The following STAU2 variants were observed in gnomAD, a reference collection of about 807,000 sequenced individuals.
The protein encoded by STAU2 is staufen double-stranded RNA binding protein 2, also known as double-stranded RNA-binding protein Staufen homolog 2.
STAU2 carries 20 observed loss-of-function variants against 65.9 expected under a neutral mutation model. The ratio of observed to expected loss-of-function variants is 0.30; its 90% confidence interval spans 0.21 to 0.44. STAU2 has a LOEUF of 0.44. STAU2 is among the 20% of genes least tolerant of loss of function. STAU2 has a pLI of 1.00. For missense variants in STAU2, 558 were observed against 683.9 expected, an observed-to-expected ratio of 0.82 and a Z score of 2.05; for synonymous variants, 232 against 233.9, an observed-to-expected ratio of 0.99 and a Z score of 0.07.
intron 13 of STAU2, among the ~76,000 whole-genome samples, chr8:73,459,646 A>G (rs1026093632): frequency 2.0e-5 from 3 of 151,940 alleles, no homozygotes; most frequent in Admixed American, 1.3e-4. Context: ...CTCCCACTGA[A>G]ATCAAAACCC....
At chr8:73,733,433 G>T (rs1184837616) in intron 3 of STAU2, among the ~76,000 whole-genome samples, 3 of 152,084 alleles carry the variant, frequency 2.0e-5, no homozygotes, top group African/African-American at 7.2e-5. Context: ...GTAGCTTACT[G>T]CTAAAATGAG....
intron 11 of STAU2, among the ~76,000 whole-genome samples, chr8:73,584,756 G>A (rs981039538): frequency 1.3e-5 from 2 of 152,188 alleles, no homozygotes; most frequent in African/African-American, 4.8e-5. Flanking sequence ...GAACTATTAA[G>A]AAGAATGCTC....
chr8:73,672,934 G>C lies in STAU2; in HGVS notation c.410+173C>G, dbSNP rs1216027760. On this transcript the variant is annotated intron_variant, in intron 6 of 14. Transcript: ENST00000524300. ...AAAAAAACTAGTTCCTGAAAACTGG[G>C]TTTCTTTAAGTTATTAATTTAAATA... The C allele has an allele frequency of 1.1e-5, 6 of 537,994 alleles. No individual in the cohort carries two copies. In the Middle Eastern group the frequency reaches 1.7e-3, roughly 154 times the overall value. The allele number at this position is 537,994 out of a possible 1,614,324, so 33.3% of individuals were successfully genotyped here.
chr8:73,527,708 C>A (rs1325399255), intron 13 of STAU2: 10 of 1,536,504 alleles, frequency 6.5e-6, no homozygotes, highest in Non-Finnish European at 8.7e-6. Flanking sequence ...TGGCTGGCTT[C>A]AATGGAGCTT....
chr8:73,704,486 C>T (rs567513169), intron 4 of STAU2, among the ~76,000 whole-genome samples: 12 of 151,994 alleles, frequency 7.9e-5, no homozygotes, highest in African/African-American at 2.2e-4. Flanking sequence ...CGGTGTAGTG[C>T]GCTATTTTTT....
intron 12 of STAU2, among the ~76,000 whole-genome samples, chr8:73,569,047 T>A (rs1319002062): frequency 6.6e-6 from 1 of 151,944 alleles, no homozygotes; most frequent in Non-Finnish European, 1.5e-5. Context: ...GTCGGGGAAT[T>A]CCCTTTCCTA....
chr8:73,465,413 AAT>A (rs1469262358), intron 13 of STAU2, among the ~76,000 whole-genome samples: 2 of 152,216 alleles, frequency 1.3e-5, no homozygotes, highest in African/African-American at 4.8e-5. Flanking sequence ...TTGACTAGAA[AAT>A]ATGTTATACT....
chr8:73,606,525 A>G (rs979000874), intron 9 of STAU2, among the ~76,000 whole-genome samples: 1 of 152,220 alleles, frequency 6.6e-6, no homozygotes, highest in Admixed American at 6.5e-5. Flanking sequence ...AATGTAAATT[A>G]AAACCAAAAT....
chr8:73,613,294 T>C (rs1017902262), intron 9 of STAU2, among the ~76,000 whole-genome samples: 2 of 152,216 alleles, frequency 1.3e-5, no homozygotes, highest in Non-Finnish European at 2.9e-5. Context: ...AAGAAGTTAC[T>C]ATGCAACAGC....
Position 73,635,614 on chromosome 8 carries a change from C to T in STAU2, c.411-18163G>A, listed in dbSNP as rs1031422533. Among the ~76,000 whole-genome samples the T allele has an allele frequency of 1.1e-4, 17 of 152,098 alleles. 1 individual carries two copies. The highest frequency in any genetic ancestry group is 1.0e-3 in the South Asian group (5 of 4,816). On this transcript the variant is annotated intron_variant, in intron 6 of 14. Transcript: ENST00000524300. ...GGCCAAGGTGGGTGGATCATGAGGT[C>T]AGGAGTTTGAGACCAGCCTGGCCAA...
At chr8:73,539,220 C>G (rs888573538) in intron 13 of STAU2, among the ~76,000 whole-genome samples, 1 of 152,116 alleles carries the variant, frequency 6.6e-6, no homozygotes, top group Non-Finnish European at 1.5e-5. Flanking sequence ...AGGATGCAAT[C>G]CAACATTACT....
intron 6 of STAU2, chr8:73,651,158 AC>A: frequency 8.2e-7 from 1 of 1,225,454 alleles, no homozygotes; most frequent in Non-Finnish European, 1.2e-6. Context: ...CCTGGCCCGG[AC>A]CAGGCATCGG....
At chr8:73,574,530 G>C (rs1586037601) in intron 12 of STAU2, among the ~76,000 whole-genome samples, 2 of 152,320 alleles carry the variant, frequency 1.3e-5, no homozygotes, top group South Asian at 2.1e-4. Context: ...TGATAGACTG[G>C]ATTAAGAAAA....
upstream of STAU2, chr8:73,746,941 G>A: frequency 5.6e-6 from 5 of 886,994 alleles, no homozygotes; most frequent in Non-Finnish European, 6.7e-6. Context: ...GCGCCCTCCC[G>A]CGCTCGCGCC....
At chr8:73,711,129 T>C (rs1421090196) in intron 3 of STAU2, among the ~76,000 whole-genome samples, 1 of 60,252 alleles carries the variant, frequency 1.7e-5, no homozygotes, top group African/African-American at 6.8e-5. Context: ...GTAAGTGGCT[T>C]GCAAAAAAAA....
At chr8:73,580,578 T>C (rs1809906675) in intron 12 of STAU2, among the ~76,000 whole-genome samples, 1 of 152,220 alleles carries the variant, frequency 6.6e-6, no homozygotes, top group Non-Finnish European at 1.5e-5. Context: ...GATTAAGAAG[T>C]TAACCTAAAT....
chr8:73,615,772 G>A lies in STAU2; in HGVS notation c.581C>T (p.Ser194Leu). The A allele has an allele frequency of 6.2e-7, 1 of 1,610,600 alleles. No homozygotes were observed. The highest frequency in any genetic ancestry group is 1.7e-4 in the Middle Eastern group (1 of 6,046). The change falls in exon 8 of 15, where the codon TCA becomes TTA. Residue 194 changes from serine (S) to leucine (L), a missense_variant. Physicochemically the swap from Ser to Leu is moderately radical, Grantham distance 145 (BLOSUM62 -2). Coordinates refer to ENST00000524300, the MANE Select transcript of STAU2 (RefSeq NM_001164380.2). Reference protein sequence around the residue: ...IPERSPQNGESGKDVDDDKDA... With the variant: ...IPERSPQNGELGKDVDDDKDA... ...TTTGTCATCATCCACATCCTTTCCT[G>A]ATTCACCATTCTAAATCACAAAAAA...
intron 13 of STAU2, among the ~76,000 whole-genome samples, chr8:73,436,505 GATA>G (rs1399049330): frequency 7.9e-5 from 12 of 151,512 alleles, no homozygotes; most frequent in Non-Finnish European, 1.6e-4. Flanking sequence ...AAGTACAAAG[GATA>G]ATAATACACT....
At chr8:73,694,302 G>A (rs1225851703) in intron 4 of STAU2, among the ~76,000 whole-genome samples, 1 of 152,042 alleles carries the variant, frequency 6.6e-6, no homozygotes, top group Non-Finnish European at 1.5e-5. Flanking sequence ...CAAGAATATA[G>A]TACAGTTGAA....
Sources: gnomAD v4.1 joint callset for allele counts (sites outside exome capture counted in the v4.1 genomes callset) on GRCh38, gnomAD v4.1.1 for gene constraint, MANE v1.5 for transcripts, NCBI Gene and HGNC (gene_info 2026-07-23, HGNC 2026-07-21) for gene names.